Variants in SLC24A3 observed in about 807,000 individuals in gnomAD.
SLC24A3 encodes solute carrier family 24 member 3.
In SLC24A3, 28 loss-of-function variants were observed where a neutral mutation model predicts 75.8. That is an observed-to-expected ratio of 0.37 (90% CI 0.27 to 0.51). SLC24A3 has a LOEUF of 0.51. Among genes scored for constraint, SLC24A3 ranks in the 20% least tolerant of loss-of-function variants. The probability of loss-of-function intolerance (pLI) is 0.94; values close to 1 mark genes in which losing one functional copy is unlikely to be tolerated. For missense variants in SLC24A3, 663 were observed against 847.8 expected, an observed-to-expected ratio of 0.78 and a Z score of 2.71; for synonymous variants, 372 against 334.1, an observed-to-expected ratio of 1.11 and a Z score of -1.24.
intron 14 of SLC24A3, 49 bp downstream of exon 14, chr20:19,696,960 AG>A: frequency 2.5e-6 from 1 of 396,810 alleles, no homozygotes. Context: ...GGAGGAGGAG[AG>A]GGAGGGAAGA....
intron 2 of SLC24A3, among the ~76,000 whole-genome samples, chr20:19,285,637 G>C (rs375241056): frequency 6.7e-6 from 1 of 149,726 alleles, no homozygotes; most frequent in East Asian, 2.0e-4. Context: ...AATTGTTCCA[G>C]CTCTCTGTGA....
intron 7 of SLC24A3, among the ~76,000 whole-genome samples, chr20:19,655,847 C>G (rs570739250): frequency 8.0e-4 from 121 of 152,158 alleles, no homozygotes; most frequent in Non-Finnish European, 9.4e-4. Context: ...GATGGAAGGT[C>G]GTGAGACATC....
chr20:19,413,176 C>T (rs940511609), intron 2 of SLC24A3, among the ~76,000 whole-genome samples: 2 of 152,090 alleles, frequency 1.3e-5, no homozygotes, highest in Non-Finnish European at 2.9e-5. Flanking sequence ...TAGAAGTCTT[C>T]CAGAATTGGA....
chr20:19,668,814 C>T (rs572194961), intron 8 of SLC24A3, among the ~76,000 whole-genome samples: 2 of 152,302 alleles, frequency 1.3e-5, no homozygotes, highest in South Asian at 4.1e-4. Flanking sequence ...ATCAGTGCCC[C>T]GGATGTAGGT....
At chr20:19,221,404 C>T (rs904167641) in intron 1 of SLC24A3, among the ~76,000 whole-genome samples, 10 of 152,256 alleles carry the variant, frequency 6.6e-5, no homozygotes, top group Admixed American at 3.9e-4. Flanking sequence ...TTTAACTTTC[C>T]CTTGGGATGA....
intron 2 of SLC24A3, among the ~76,000 whole-genome samples, chr20:19,355,338 T>C (rs1985659810): frequency 6.6e-6 from 1 of 152,212 alleles, no homozygotes; most frequent in Non-Finnish European, 1.5e-5. Flanking sequence ...AACCACTGAT[T>C]AAAATCCAAA....
At chr20:19,541,790 G>A (rs544303827) in intron 3 of SLC24A3, among the ~76,000 whole-genome samples, 1 of 152,298 alleles carries the variant, frequency 6.6e-6, no homozygotes, top group East Asian at 1.9e-4. Context: ...CACCCTTTCG[G>A]GGTTGGGCGG....
chr20:19,456,214 T>C (rs1774916414), intron 2 of SLC24A3, among the ~76,000 whole-genome samples: 1 of 152,222 alleles, frequency 6.6e-6, no homozygotes, highest in South Asian at 2.1e-4. Flanking sequence ...AAAGACCTTT[T>C]ATTCCTTCCA....
At chr20:19,333,717 A>T (rs565792567) in intron 2 of SLC24A3, among the ~76,000 whole-genome samples, 1 of 151,646 alleles carries the variant, frequency 6.6e-6, no homozygotes, top group African/African-American at 2.4e-5. Flanking sequence ...GGATTAGGTG[A>T]GTTGATGACT....
At chr20:19,493,350 T>C (rs577721197) in intron 2 of SLC24A3, among the ~76,000 whole-genome samples, 35 of 152,316 alleles carry the variant, frequency 2.3e-4, no homozygotes, top group African/African-American at 7.7e-4. Context: ...AATTCAGTGA[T>C]GTATTTTTAA....
chr20:19,295,446 A>G (rs1013517569), intron 2 of SLC24A3, among the ~76,000 whole-genome samples: 7 of 152,200 alleles, frequency 4.6e-5, no homozygotes, highest in African/African-American at 1.7e-4. Flanking sequence ...TTTAAGGGGA[A>G]TGCTTCCAGC....
intron 2 of SLC24A3, among the ~76,000 whole-genome samples, chr20:19,488,499 A>G (rs533125345): frequency 1.3e-5 from 2 of 152,218 alleles, no homozygotes; most frequent in Non-Finnish European, 2.9e-5. Context: ...ATGAGAGCCC[A>G]GCTCCATCCA....
intron 3 of SLC24A3, among the ~76,000 whole-genome samples, chr20:19,542,085 C>T (rs1408070081): frequency 6.6e-6 from 1 of 152,080 alleles, no homozygotes; most frequent in Non-Finnish European, 1.5e-5. Context: ...TGGAAGGTGG[C>T]ATTGAAAGGG....
intron 6 of SLC24A3, among the ~76,000 whole-genome samples, chr20:19,632,544 C>G (rs2031947347): frequency 6.6e-6 from 1 of 152,166 alleles, no homozygotes; most frequent in African/African-American, 2.4e-5. Context: ...AAAGTTCACC[C>G]AGATAATCCA....
chr20:19,213,896 C>T (rs1226354952), intron 1 of SLC24A3, among the ~76,000 whole-genome samples: 2 of 151,836 alleles, frequency 1.3e-5, no homozygotes, highest in Non-Finnish European at 2.9e-5. Flanking sequence ...GGAAGTGGCA[C>T]GATTAGTGGG....
At chr20:19,698,730 G>A in intron 15 of SLC24A3, 50 bp downstream of exon 15, 1 of 1,403,980 alleles carries the variant, frequency 7.1e-7, no homozygotes, top group African/African-American at 1.4e-5. Context: ...CTACGTGACT[G>A]TGTTTTAACA....
intron 2 of SLC24A3, among the ~76,000 whole-genome samples, chr20:19,488,627 A>G (rs532123047): frequency 9.9e-5 from 15 of 152,200 alleles, no homozygotes; most frequent in Non-Finnish European, 7.3e-5. Flanking sequence ...CCTAGTTAAC[A>G]GTGGGCACAA....
intron 7 of SLC24A3, among the ~76,000 whole-genome samples, chr20:19,655,479 T>C (rs1191169721): frequency 6.6e-6 from 1 of 152,054 alleles, no homozygotes; most frequent in Non-Finnish European, 1.5e-5. Context: ...CCCTTTACCA[T>C]CATGGTTAAT....
intron 9 of SLC24A3, among the ~76,000 whole-genome samples, chr20:19,680,379 TG>T (rs2032599982): frequency 6.6e-6 from 1 of 151,994 alleles, no homozygotes; most frequent in Admixed American, 6.5e-5. Flanking sequence ...TCCCAAGTGG[TG>T]GTAAAGTTCC....
Sources: allele counts gnomAD v4.1 joint callset (sites outside exome capture counted in the v4.1 genomes callset), GRCh38; gene constraint gnomAD v4.1.1; transcripts MANE v1.5; gene names NCBI Gene and HGNC (gene_info 2026-07-23, HGNC 2026-07-21).